Variants in WLS observed in about 807,000 individuals in gnomAD.
The protein encoded by WLS is protein wntless homolog.
A neutral mutation model predicts 62.8 loss-of-function variants in WLS; 23 were observed. That is an observed-to-expected ratio of 0.37 (90% CI 0.26 to 0.52). The LOEUF is 0.52. WLS is among the 20% of genes least tolerant of loss of function. The pLI, the probability that WLS is intolerant of heterozygous loss-of-function variation, is 0.92. For missense variants in WLS, 615 were observed against 697.3 expected (o/e 0.88, Z 1.33); for synonymous variants, 246 against 244.1 (o/e 1.01, Z -0.07).
At chr1:68,099,710 GTTA>G (rs955904215) in intron 11 of WLS, 5 of 152,086 alleles carry the variant, frequency 3.3e-5, no homozygotes, top group Non-Finnish European at 4.4e-5. Context: ...CATTTTTATT[GTTA>G]TTTTTAATTT....
chr1:68,220,567 A>G (rs574894529), intron 1 of WLS, among the ~76,000 whole-genome samples: 3 of 152,360 alleles, frequency 2.0e-5, no homozygotes, highest in African/African-American at 4.8e-5. Context: ...ACTGCCATTT[A>G]TCAACCATAA....
chr1:68,165,244 CT>C (rs1249676469), intron 2 of WLS, among the ~76,000 whole-genome samples: 1 of 152,162 alleles, frequency 6.6e-6, no homozygotes, highest in African/African-American at 2.4e-5. Flanking sequence ...CAACACTAGC[CT>C]TAGACACAGG....
chr1:68,203,168 AGATT>A (rs1649118282), intron 1 of WLS, among the ~76,000 whole-genome samples: 1 of 152,250 alleles, frequency 6.6e-6, no homozygotes, highest in African/African-American at 2.4e-5. Context: ...TCACATACAT[AGATT>A]ATCGAATCCA....
intron 11 of WLS, among the ~76,000 whole-genome samples, chr1:68,134,185 G>T (rs1646572208): frequency 6.6e-6 from 1 of 152,166 alleles, no homozygotes; most frequent in Admixed American, 6.5e-5. Context: ...TTCCAAACTA[G>T]GTCTTTCCAA....
At chr1:68,132,884 G>A (rs1348227562) in intron 11 of WLS, among the ~76,000 whole-genome samples, 2 of 152,194 alleles carry the variant, frequency 1.3e-5, no homozygotes, top group Non-Finnish European at 1.5e-5. Flanking sequence ...AGTTTTTCAT[G>A]TGTGCAGGGC....
At chr1:68,166,818 G>A (rs1285706847) in intron 2 of WLS, among the ~76,000 whole-genome samples, 3 of 152,144 alleles carry the variant, frequency 2.0e-5, no homozygotes, top group African/African-American at 4.8e-5. Flanking sequence ...CTGAAGCAGA[G>A]GTGTTATTCC....
chr1:68,162,022 A>G, intron 2 of WLS: 3 of 1,593,330 alleles, frequency 1.9e-6, no homozygotes, highest in Non-Finnish European at 2.6e-6. Flanking sequence ...TTCCTTGTTC[A>G]CACAGTTTCT....
At chr1:68,189,992 G>C (rs931543177) in intron 2 of WLS, among the ~76,000 whole-genome samples, 2 of 152,226 alleles carry the variant, frequency 1.3e-5, no homozygotes, top group African/African-American at 2.4e-5. Context: ...CTGGGTGACA[G>C]AGCGAGACTC....
chr1:68,134,073 A>G (rs537271825), intron 11 of WLS, among the ~76,000 whole-genome samples: 2 of 152,342 alleles, frequency 1.3e-5, no homozygotes, highest in East Asian at 3.9e-4. Flanking sequence ...GGAGCATGGG[A>G]ATGCTGGAGG....
chr1:68,160,770 C>T (rs1400693177), intron 2 of WLS, among the ~76,000 whole-genome samples: 1 of 152,016 alleles, frequency 6.6e-6, no homozygotes, highest in East Asian at 1.9e-4. Flanking sequence ...CAAACAAAGG[C>T]TCAAAAGAGG....
intron 11 of WLS, among the ~76,000 whole-genome samples, chr1:68,107,527 A>C (rs963718872): frequency 2.6e-5 from 4 of 152,222 alleles, no homozygotes; most frequent in African/African-American, 9.6e-5. Context: ...CCTCATCTGC[A>C]ATATGAGAAT....
chr1:68,115,401 C>T (rs749614116), intron 11 of WLS, among the ~76,000 whole-genome samples: 14 of 152,224 alleles, frequency 9.2e-5, no homozygotes, highest in Non-Finnish European at 1.6e-4. Context: ...CCATTCTTCA[C>T]GAGGCAGTCC....
At chr1:68,155,060 C>A in intron 4 of WLS, 39 bp downstream of exon 4, 1 of 1,590,622 alleles carries the variant, frequency 6.3e-7, no homozygotes, top group Non-Finnish European at 8.6e-7. Flanking sequence ...ATGGAGTTCC[C>A]CTCCAATACA....
At chr1:68,112,555 GCT>G (rs1391666832) in intron 11 of WLS, among the ~76,000 whole-genome samples, 1 of 152,102 alleles carries the variant, frequency 6.6e-6, no homozygotes, top group Admixed American at 6.5e-5. Flanking sequence ...CCCAAATAAT[GCT>G]TGTGAAGTTG....
At chr1:68,146,663 C>T (rs910352111) in intron 8 of WLS, among the ~76,000 whole-genome samples, 1 of 152,162 alleles carries the variant, frequency 6.6e-6, no homozygotes, top group African/African-American at 2.4e-5. Flanking sequence ...GGACTATTTG[C>T]AATCTTCTGT....
intron 2 of WLS, among the ~76,000 whole-genome samples, chr1:68,188,420 A>G (rs1296905484): frequency 6.6e-6 from 1 of 152,214 alleles, no homozygotes; most frequent in East Asian, 1.9e-4. Context: ...CATAAATGTA[A>G]ATATACTGCG....
At chr1:68,130,495 C>CT (rs1170886239) in intron 11 of WLS, among the ~76,000 whole-genome samples, 32 of 152,134 alleles carry the variant, frequency 2.1e-4, no homozygotes, top group Admixed American at 2.0e-3. Context: ...ATGACCTATC[C>CT]TTTTTTGTAG....
Position 68,153,559 on chromosome 1 carries a change from C to T in WLS, c.761G>A (p.Arg254Lys). ...GGGTCGGGACATCATGGTGATCCTC[C>T]TCCAATACCACACCATAATGATGAA... ...SIFIIMVWYW[R>K]RITMMSRPPV... The change falls in exon 5 of 12, where the codon AGG (arginine) becomes AAG (lysine). Residue 254 changes from arginine (R) to lysine (K), a missense_variant. Physicochemically the swap from Arg to Lys is conservative, Grantham distance 26. Transcript: ENST00000262348. The T allele has an allele frequency of 1.2e-6, 2 of 1,614,170 alleles. No individual in the cohort carries two copies. Among genetic ancestry groups the T allele is most frequent in the Non-Finnish European group, 1.7e-6 (2 of 1,180,026 alleles).
At chr1:68,179,850 G>A (rs964550361) in intron 2 of WLS, among the ~76,000 whole-genome samples, 13 of 152,180 alleles carry the variant, frequency 8.5e-5, no homozygotes, top group Non-Finnish European at 1.5e-4. Flanking sequence ...TGGCTTTTCA[G>A]TTTAAGTGCT....
Sources: gnomAD v4.1 joint callset for allele counts (sites outside exome capture counted in the v4.1 genomes callset) on GRCh38, gnomAD v4.1.1 for gene constraint, MANE v1.5 for transcripts, NCBI Gene and HGNC (gene_info 2026-07-23, HGNC 2026-07-21) for gene names.